ROBO1: variants seen among roughly 807,000 people sequenced by gnomAD.
ROBO1 encodes roundabout homolog 1.
In ROBO1, 149 loss-of-function variants were observed where a neutral mutation model predicts 195.9. The ratio of observed to expected loss-of-function variants is 0.76; its 90% CI spans 0.67 to 0.87. The LOEUF is 0.87. Among genes scored for constraint, ROBO1 ranks in the 40% least tolerant of loss-of-function variants. The pLI, the probability that ROBO1 is intolerant of heterozygous loss-of-function variation, is 0.00. For missense variants in ROBO1, 1,933 were observed against 2,068.3 expected (o/e 0.93, Z 1.27); for synonymous variants, 816 against 733.2 (o/e 1.11, Z -1.82).
chr3:78,899,653 A>T (rs2037464959), intron 4 of ROBO1, among the ~76,000 whole-genome samples: 1 of 152,182 alleles, frequency 6.6e-6, no homozygotes, highest in Non-Finnish European at 1.5e-5. Context: ...TTCAAAAGTT[A>T]ATATTAAACA....
At chr3:79,747,221 G>A (rs1297171649) in intron 1 of ROBO1, among the ~76,000 whole-genome samples, 1 of 151,994 alleles carries the variant, frequency 6.6e-6, no homozygotes, top group Non-Finnish European at 1.5e-5. Context: ...GAATCTTAGA[G>A]TGTGCTCAGT....
chr3:79,658,934 A>G (rs1946249174), intron 1 of ROBO1, among the ~76,000 whole-genome samples: 1 of 151,846 alleles, frequency 6.6e-6, no homozygotes, highest in African/African-American at 2.4e-5. Flanking sequence ...ATGGGGTTTC[A>G]CCATGTTGGC....
intron 8 of ROBO1, among the ~76,000 whole-genome samples, chr3:78,692,617 G>C (rs1450283934): frequency 6.6e-6 from 1 of 152,082 alleles, no homozygotes; most frequent in Non-Finnish European, 1.5e-5. Context: ...TTCTTTTAGG[G>C]ACAAAGTTAT....
At chr3:79,583,949 C>G (rs115191996) in intron 2 of ROBO1, among the ~76,000 whole-genome samples, 1 of 151,966 alleles carries the variant, frequency 6.6e-6, no homozygotes, top group African/African-American at 2.4e-5. Flanking sequence ...TGTTTCCTCA[C>G]TCAGGCTGAA....
chr3:78,928,352 G>T (rs2039326684), intron 4 of ROBO1, among the ~76,000 whole-genome samples: 2 of 151,982 alleles, frequency 1.3e-5, no homozygotes, highest in Non-Finnish European at 2.9e-5. Context: ...GAACTCTGAG[G>T]GAGGCTTTAA....
chr3:79,068,385 G>T (rs2079036132), intron 3 of ROBO1, among the ~76,000 whole-genome samples: 1 of 151,718 alleles, frequency 6.6e-6, no homozygotes, highest in Admixed American at 6.6e-5. Context: ...TTAGGTTACT[G>T]TTTTTCAAAG....
intron 2 of ROBO1, among the ~76,000 whole-genome samples, chr3:79,282,463 C>G (rs897271341): frequency 2.6e-5 from 4 of 152,140 alleles, no homozygotes; most frequent in Admixed American, 1.3e-4. Flanking sequence ...CTAAGCAAGA[C>G]TTGACAAGGG....
chr3:79,569,028 A>T (rs1313072768), intron 2 of ROBO1, among the ~76,000 whole-genome samples: 2 of 152,172 alleles, frequency 1.3e-5, no homozygotes, highest in Non-Finnish European at 2.9e-5. Flanking sequence ...TTAGAAAAAA[A>T]ATGTAGTACT....
intron 3 of ROBO1, among the ~76,000 whole-genome samples, chr3:79,098,960 GTAT>G (rs2079622965): frequency 6.6e-6 from 1 of 151,466 alleles, no homozygotes; most frequent in African/African-American, 2.4e-5. Context: ...GGTGATCAAT[GTAT>G]TATATTTTCT....
intron 2 of ROBO1, among the ~76,000 whole-genome samples, chr3:79,257,771 T>C (rs2082864652): frequency 6.6e-6 from 1 of 152,128 alleles, no homozygotes; most frequent in Non-Finnish European, 1.5e-5. Flanking sequence ...TGGTTTTAGA[T>C]GCTCTTTTTG....
At chr3:79,709,153 TAAAC>T (rs1162542060) in intron 1 of ROBO1, among the ~76,000 whole-genome samples, 4 of 152,156 alleles carry the variant, frequency 2.6e-5, no homozygotes, top group African/African-American at 7.2e-5. Context: ...AAGATCAGTG[TAAAC>T]AAACATTCAT....
chr3:79,634,194 A>G lies in ROBO1; in HGVS notation c.-50-44233T>C, dbSNP rs144130500. Among the ~76,000 whole-genome samples, 330 of 152,310 alleles carry G rather than the reference A, an allele frequency of 2.2e-3. 1 individual carries two copies. The highest frequency in any genetic ancestry group is 7.5e-3 in the African/African-American group (311 of 41,580). ...CCCTCTTTGCCAAGAAACACTGCAT[A>G]GCTCTGACATGCAAAGCTTCAGTGA... is the stretch of plus-strand genomic sequence containing the variant. On this transcript the variant is annotated intron_variant, in intron 1 of 30. Transcript: ENST00000464233.
intron 2 of ROBO1, among the ~76,000 whole-genome samples, chr3:79,552,152 C>T (rs1014377344): frequency 5.3e-5 from 8 of 151,842 alleles, no homozygotes; most frequent in East Asian, 3.9e-4. Flanking sequence ...TTACCCAAAA[C>T]GTGTTCTGCA....
At chr3:79,346,373 T>A (rs2035120703) in intron 2 of ROBO1, among the ~76,000 whole-genome samples, 1 of 152,096 alleles carries the variant, frequency 6.6e-6, no homozygotes, top group Non-Finnish European at 1.5e-5. Context: ...GAAACCCAAG[T>A]GGAATGAATG....
chr3:78,977,829 C>A (rs1417479617), intron 3 of ROBO1, among the ~76,000 whole-genome samples: 3 of 152,012 alleles, frequency 2.0e-5, no homozygotes, highest in African/African-American at 7.2e-5. Flanking sequence ...GAAACTCTCA[C>A]CAGTCTCTGT....
chr3:79,426,570 G>T (rs2038454045), intron 2 of ROBO1, among the ~76,000 whole-genome samples: 1 of 152,034 alleles, frequency 6.6e-6, no homozygotes, highest in Non-Finnish European at 1.5e-5. Context: ...GTTTCACCAT[G>T]TTGGCCAGGC....
intron 1 of ROBO1, among the ~76,000 whole-genome samples, chr3:79,766,948 C>T (rs1375793799): frequency 6.6e-6 from 1 of 152,114 alleles, no homozygotes; most frequent in Non-Finnish European, 1.5e-5. Flanking sequence ...TTTCATTCAT[C>T]TGTCTTCTCT....
chr3:79,740,495 A>T (rs7426439), intron 1 of ROBO1, among the ~76,000 whole-genome samples: 88,984 of 151,734 alleles, frequency 0.59, 26,295 homozygotes, highest in South Asian at 0.69. Context: ...ACAGTTCCGC[A>T]TGGCTGGGGA....
At chr3:78,675,358 G>C (rs1708348450) in intron 10 of ROBO1, among the ~76,000 whole-genome samples, 1 of 152,150 alleles carries the variant, frequency 6.6e-6, no homozygotes, top group Non-Finnish European at 1.5e-5. Context: ...CCGAAGCAGG[G>C]CGAGGCATTG....
Sources: allele counts gnomAD v4.1 joint callset (sites outside exome capture counted in the v4.1 genomes callset), GRCh38; gene constraint gnomAD v4.1.1; transcripts MANE v1.5; gene names NCBI Gene and HGNC (gene_info 2026-07-23, HGNC 2026-07-21).